Variants in PRIM2 observed in about 807,000 individuals in gnomAD.
PRIM2 encodes DNA primase large subunit.
Under a neutral mutation model 67.3 loss-of-function variants are expected in PRIM2, and 39 were observed. The ratio of observed to expected loss-of-function variants is 0.58; its 90% CI spans 0.45 to 0.76. PRIM2 has a LOEUF of 0.76. Ranked by LOEUF, PRIM2 falls within the 30% of genes least tolerant of loss-of-function variation. PRIM2 has a pLI of 0.00. For missense variants in PRIM2, 398 were observed against 598.7 expected, an observed-to-expected ratio of 0.66 and a Z score of 3.50; for synonymous variants, 143 against 198.7, an observed-to-expected ratio of 0.72 and a Z score of 2.36.
At chr6:57,334,111 T>A (rs1768143300) in intron 5 of PRIM2, among the ~76,000 whole-genome samples, 1 of 152,200 alleles carries the variant, frequency 6.6e-6, no homozygotes, top group Admixed American at 6.5e-5. Flanking sequence ...ACCCTCTATT[T>A]CTATGAGATC....
Position 57,481,209 on chromosome 6 carries a change from A to G in PRIM2, c.694-26178A>G, listed in dbSNP as rs1229086536. Among the ~76,000 whole-genome samples, 422 of 152,310 alleles carry G rather than the reference A, an allele frequency of 2.8e-3. 1 individual carries two copies. The highest frequency in any genetic ancestry group is 4.3e-3 in the Non-Finnish European group (292 of 68,020). On this transcript the variant is annotated intron_variant, in intron 7 of 13. Coordinates refer to ENST00000615550, the MANE Select transcript of PRIM2 (RefSeq NM_000947.5). ...GTAGCCATCCCTGCAAGAAAGATAC[A>G]GAACTATTTAATCATTACAAAGATT...
At chr6:57,558,604 G>T (rs1344977504) in intron 10 of PRIM2, among the ~76,000 whole-genome samples, 21,539 of 151,912 alleles carry the variant, frequency 0.14, 2,530 homozygotes, top group African/African-American at 0.32. Flanking sequence ...ATTCCTGCTG[G>T]ATGCTGAGAA....
At chr6:57,273,491 G>T in the PRIM2 span, among the ~76,000 whole-genome samples, 2 of 152,078 alleles carry the variant, frequency 1.3e-5, no homozygotes, top group Admixed American at 1.3e-4. Flanking sequence ...ATCCTTTAAG[G>T]ACTTCTCTGC....
At chr6:57,640,165 G>C (rs1777204666) in intron 13 of PRIM2, among the ~76,000 whole-genome samples, 1 of 152,086 alleles carries the variant, frequency 6.6e-6, no homozygotes, top group African/African-American at 2.4e-5. Flanking sequence ...TGCAGAAAAG[G>C]CCTTCAACAA....
intron 5 of PRIM2, among the ~76,000 whole-genome samples, chr6:57,373,127 GT>G (rs1316675074): frequency 2.0e-5 from 3 of 151,870 alleles, no homozygotes; most frequent in African/African-American, 4.8e-5. Flanking sequence ...AGCATCTGTT[GT>G]TTTTTGACTT....
intron 7 of PRIM2, among the ~76,000 whole-genome samples, chr6:57,450,302 G>T (rs529364492): frequency 6.6e-6 from 1 of 152,120 alleles, no homozygotes; most frequent in African/African-American, 2.4e-5. Context: ...TCAGAAACCT[G>T]TTGGAAACTA....
chr6:57,431,334 T>C (rs1182936532), intron 7 of PRIM2, among the ~76,000 whole-genome samples: 4 of 152,162 alleles, frequency 2.6e-5, no homozygotes, highest in Admixed American at 6.5e-5. Flanking sequence ...TCAGTTCTGA[T>C]TTCAGTGTCC....
the PRIM2 span, among the ~76,000 whole-genome samples, chr6:57,272,794 C>T: frequency 6.6e-6 from 1 of 152,140 alleles, no homozygotes; most frequent in South Asian, 2.1e-4. Context: ...TTAGTGCTTC[C>T]TTCAGGAGCT....
At chr6:57,564,945 A>G (rs1342201252) in intron 10 of PRIM2, among the ~76,000 whole-genome samples, 4 of 152,218 alleles carry the variant, frequency 2.6e-5, no homozygotes, top group Non-Finnish European at 2.9e-5. Context: ...CTGTGTTACT[A>G]TCACAAAAAC....
At chr6:57,427,424 T>C (rs2127376589) in intron 7 of PRIM2, among the ~76,000 whole-genome samples, 1 of 152,302 alleles carries the variant, frequency 6.6e-6, no homozygotes, top group Admixed American at 6.5e-5. Context: ...GTTCAAGCTA[T>C]TCTTTTGCCT....
chr6:57,348,034 A>C (rs1768734071), intron 5 of PRIM2, among the ~76,000 whole-genome samples: 1 of 152,064 alleles, frequency 6.6e-6, no homozygotes, highest in East Asian at 1.9e-4. Context: ...AATTTTACTG[A>C]GATGTTTCAT....
intron 7 of PRIM2, among the ~76,000 whole-genome samples, chr6:57,493,459 C>T (rs1490788556): frequency 2.0e-5 from 3 of 152,098 alleles, no homozygotes; most frequent in African/African-American, 4.8e-5. Flanking sequence ...CACATGAGAG[C>T]ACTGTTGAAG....
the PRIM2 span, among the ~76,000 whole-genome samples, chr6:57,257,204 A>G: frequency 6.6e-6 from 1 of 152,190 alleles, no homozygotes; most frequent in Non-Finnish European, 1.5e-5. Context: ...AAATCTTTGA[A>G]AGAAGTATTT....
chr6:57,276,907 T>C, the PRIM2 span, among the ~76,000 whole-genome samples: 2 of 149,770 alleles, frequency 1.3e-5, no homozygotes, highest in East Asian at 2.0e-4. Context: ...AAAGATATAA[T>C]GATATATGAA....
chr6:57,562,138 C>T (rs1428325856), intron 10 of PRIM2, among the ~76,000 whole-genome samples: 1 of 152,032 alleles, frequency 6.6e-6, no homozygotes, highest in African/African-American at 2.4e-5. Context: ...CCATTAGTAA[C>T]ATCAAAGATC....
intron 5 of PRIM2, among the ~76,000 whole-genome samples, chr6:57,346,303 A>C (rs1409461559): frequency 6.6e-6 from 1 of 151,808 alleles, no homozygotes; most frequent in Admixed American, 6.6e-5. Context: ...GAAAAAAGAT[A>C]CTGAGCTTTT....
At chr6:57,222,867 G>C in the PRIM2 span, among the ~76,000 whole-genome samples, 2 of 152,170 alleles carry the variant, frequency 1.3e-5, no homozygotes, top group Non-Finnish European at 2.9e-5. Context: ...ATGTAAACTG[G>C]AACAACTCCT....
At chr6:57,436,113 G>A (rs779941251) in intron 7 of PRIM2, among the ~76,000 whole-genome samples, 7 of 152,032 alleles carry the variant, frequency 4.6e-5, no homozygotes, top group Non-Finnish European at 1.0e-4. Context: ...CTCTTTTCCT[G>A]TTTATCTCTT....
At chr6:57,348,506 A>G (rs569290054) in intron 5 of PRIM2, among the ~76,000 whole-genome samples, 11 of 152,272 alleles carry the variant, frequency 7.2e-5, no homozygotes, top group African/African-American at 2.4e-4. Flanking sequence ...AGGAAAGCCT[A>G]CTGTTTCAAA....
Sources: allele counts gnomAD v4.1 joint callset (sites outside exome capture counted in the v4.1 genomes callset), GRCh38; gene constraint gnomAD v4.1.1; transcripts MANE v1.5; gene names NCBI Gene and HGNC (gene_info 2026-07-23, HGNC 2026-07-21).